Variants in CLIP2 observed in about 807,000 individuals in gnomAD.
CLIP2 encodes the protein CAP-Gly domain containing linker protein 2, also known as CAP-Gly domain-containing linker protein 2.
In CLIP2, 41 loss-of-function variants were observed where a neutral mutation model predicts 111.7. The observed-to-expected ratio is 0.37, with a 90% confidence interval of 0.29 to 0.48. The LOEUF (loss-of-function observed/expected upper bound fraction) is 0.48, where lower values mean the gene tolerates loss of function less well. CLIP2 is among the 20% of genes least tolerant of loss of function. The pLI is 0.99. For missense variants in CLIP2, 1,160 were observed against 1,422.1 expected, an observed-to-expected ratio of 0.82 and a Z score of 2.96; for synonymous variants, 660 against 644.2, an observed-to-expected ratio of 1.02 and a Z score of -0.37.
At chr7:74,386,788 C>T (rs545025387) in intron 12 of CLIP2, among the ~76,000 whole-genome samples, 184 bp downstream of exon 12, 5 of 152,088 alleles carry the variant, frequency 3.3e-5, no homozygotes, top group South Asian at 2.1e-4. Context: ...TTTGGGAGTC[C>T]GAGGCAGGCG....
At chr7:74,349,895 A>G (rs1789932459) in intron 3 of CLIP2, among the ~76,000 whole-genome samples, 1 of 149,194 alleles carries the variant, frequency 6.7e-6, no homozygotes, top group South Asian at 2.1e-4. Context: ...GATTACAGGC[A>G]TGAGCCACTG....
At chr7:74,348,805 AAAG>A (rs1242256918) in intron 3 of CLIP2, among the ~76,000 whole-genome samples, 2 of 151,248 alleles carry the variant, frequency 1.3e-5, no homozygotes, top group African/African-American at 4.9e-5. Flanking sequence ...AAAAAAAAAA[AAAG>A]AATGAGGGTA....
intron 1 of CLIP2, among the ~76,000 whole-genome samples, chr7:74,301,979 C>G (rs1554726939): frequency 1.3e-5 from 2 of 151,938 alleles, no homozygotes; most frequent in African/African-American, 4.8e-5. Flanking sequence ...TCCCAAAGTG[C>G]TGGGATTACA....
chr7:74,320,139 T>C (rs1554729814), intron 2 of CLIP2, among the ~76,000 whole-genome samples: 1 of 140,192 alleles, frequency 7.1e-6, no homozygotes, highest in Non-Finnish European at 1.5e-5. Flanking sequence ...GAGTTTGCAG[T>C]GAACTGAGAT....
chr7:74,377,009 T>C (rs1790812127), intron 10 of CLIP2, among the ~76,000 whole-genome samples, 187 bp downstream of exon 10: 1 of 152,034 alleles, frequency 6.6e-6, no homozygotes, highest in African/African-American at 2.4e-5. Flanking sequence ...AGAGGGGCAG[T>C]GCGCCCTGGT....
At chr7:74,366,853 G>T (rs1322993505) in intron 8 of CLIP2, among the ~76,000 whole-genome samples, 1 of 147,090 alleles carries the variant, frequency 6.8e-6, no homozygotes, top group African/African-American at 2.5e-5. Flanking sequence ...TTCAGCCTGG[G>T]CAGCAGAGTG....
chr7:74,403,422 A>T (rs1791678366), intron 16 of CLIP2, among the ~76,000 whole-genome samples: 1 of 151,802 alleles, frequency 6.6e-6, no homozygotes. Flanking sequence ...TACAAAAATT[A>T]GCTGGGCATG....
chr7:74,365,240 T>C (rs1483575577), intron 8 of CLIP2, among the ~76,000 whole-genome samples: 6 of 151,956 alleles, frequency 3.9e-5, no homozygotes, highest in Non-Finnish European at 7.4e-5. Context: ...AGCACCTGTA[T>C]TTGCCAGGAA....
chr7:74,299,547 G>A (rs1788266968), intron 1 of CLIP2, among the ~76,000 whole-genome samples: 1 of 152,128 alleles, frequency 6.6e-6, no homozygotes, highest in South Asian at 2.1e-4. Flanking sequence ...GTGGACCCTG[G>A]TTTGCACCCT....
chr7:74,396,314 C>T (rs1035419780), intron 13 of CLIP2, among the ~76,000 whole-genome samples: 4 of 152,008 alleles, frequency 2.6e-5, no homozygotes, highest in Non-Finnish European at 5.9e-5. Flanking sequence ...GTAATCCCAG[C>T]GTTTTGGGAA....
chr7:74,357,163 A>T, intron 5 of CLIP2, 117 bp from the exon 6 acceptor site: 1 of 799,542 alleles, frequency 1.3e-6, no homozygotes, highest in Non-Finnish European at 2.1e-6. Context: ...GGACCCTGGG[A>T]GTCAAGGCAC....
chr7:74,402,348 A>AC (rs1321790152), intron 16 of CLIP2, among the ~76,000 whole-genome samples: 10 of 150,144 alleles, frequency 6.7e-5, no homozygotes, highest in African/African-American at 2.2e-4. Flanking sequence ...AAAAAACCAA[A>AC]AAAAAAAAAA....
chr7:74,290,633 G>A (rs1485478907), intron 1 of CLIP2, among the ~76,000 whole-genome samples: 4 of 152,190 alleles, frequency 2.6e-5, no homozygotes, highest in African/African-American at 9.6e-5. Context: ...GTGAGAAGTG[G>A]GGGTCTGGGA....
At position 74,324,247 on chromosome 7, in the gene CLIP2, C is replaced by T. The variant is rs533264353; in HGVS notation, c.121+6580C>T. The stretch of plus-strand genomic sequence containing the variant: ...CCTCAGGTGATCCTCCCGCCTCGGC[C>T]TCCCAAAGTGCCGGGATTCCAGGTG... On this transcript the variant is annotated intron_variant, in intron 2 of 16. Transcript: ENST00000223398. Among the ~76,000 whole-genome samples, 11 of 152,324 alleles carry T rather than the reference C, an allele frequency of 7.2e-5. No homozygotes were observed. The East Asian group carries it at 1.9e-3, about 27-fold the overall frequency.
At chr7:74,300,070 T>A (rs57156023) in intron 1 of CLIP2, among the ~76,000 whole-genome samples, 1,564 of 152,002 alleles carry the variant, frequency 0.01, 29 homozygotes, top group African/African-American at 0.036. Context: ...CACTGCAACC[T>A]CCGCCTCCTG....
At chr7:74,306,542 TC>T (rs376114395) in intron 1 of CLIP2, among the ~76,000 whole-genome samples, 3 of 151,850 alleles carry the variant, frequency 2.0e-5, no homozygotes, top group African/African-American at 7.3e-5. Context: ...TTGGCACCCG[TC>T]CCCCTCCGCC....
At chr7:74,373,102 C>T in intron 9 of CLIP2, 66 bp downstream of exon 9, 1 of 914,706 alleles carries the variant, frequency 1.1e-6, no homozygotes, top group Non-Finnish European at 1.7e-6. Flanking sequence ...CCTCTGGCTT[C>T]TCTGTTTCAT....
intron 3 of CLIP2, among the ~76,000 whole-genome samples, chr7:74,352,338 G>T (rs1041527086): frequency 5.1e-4 from 77 of 152,208 alleles, no homozygotes; most frequent in South Asian, 4.1e-4. Context: ...TCAGGAGGCT[G>T]AGGCAGGAGA....
rs561920024 is a variant in CLIP2, at chr7:74,403,821, C to T, written c.3130-16C>T. 1.9e-4 allele frequency: 309 copies of T among 1,613,182 alleles called. 3 individuals carry two copies. In the South Asian group the frequency reaches 3.2e-3, roughly 17 times the overall value. On this transcript the variant is annotated splice_polypyrimidine_tract_variant and intron_variant, in intron 16 of 16. Transcript: ENST00000223398. ...TCTCTGAGACCCTTGCTGATGATGC[C>T]CTTTACTCTCTCTAGGACAAGCACT...
Sources: allele counts gnomAD v4.1 joint callset (sites outside exome capture counted in the v4.1 genomes callset), GRCh38; gene constraint gnomAD v4.1.1; transcripts MANE v1.5; gene names NCBI Gene and HGNC (gene_info 2026-07-23, HGNC 2026-07-21).